Variants in NID2 observed in about 807,000 individuals in gnomAD.
NID2 encodes nidogen-2.
Under a neutral mutation model 145.4 loss-of-function variants are expected in NID2, and 83 were observed. The ratio of observed to expected loss-of-function variants is 0.57; its 90% confidence interval spans 0.48 to 0.69. The LOEUF is 0.69. NID2 is among the 30% of genes least tolerant of loss of function. The pLI is 0.00. For missense variants in NID2, 1,807 were observed against 1,765.7 expected (o/e 1.02, Z -0.42); for synonymous variants, 739 against 701.3 (o/e 1.05, Z -0.85).
intron 12 of NID2, among the ~76,000 whole-genome samples, chr14:52,021,496 G>C (rs917311158): frequency 6.6e-6 from 1 of 152,132 alleles, no homozygotes; most frequent in Non-Finnish European, 1.5e-5. Context: ...GTGCTTTCTC[G>C]AATACCATTA....
At chr14:52,036,804 T>C (rs949110676) in intron 9 of NID2, among the ~76,000 whole-genome samples, 3 of 152,218 alleles carry the variant, frequency 2.0e-5, no homozygotes, top group Admixed American at 6.5e-5. Context: ...GTATATCTTT[T>C]TGGAGAGAGG....
At chr14:52,018,859 T>C (rs1024110149) in intron 14 of NID2, among the ~76,000 whole-genome samples, 1 of 152,206 alleles carries the variant, frequency 6.6e-6, no homozygotes, top group Non-Finnish European at 1.5e-5. Context: ...GTGTAACAGA[T>C]CATATGTGTC....
chr14:52,055,423 T>C (rs1416947209), intron 3 of NID2, among the ~76,000 whole-genome samples: 1 of 152,146 alleles, frequency 6.6e-6, no homozygotes, highest in African/African-American at 2.4e-5. Flanking sequence ...TTCAAATAAA[T>C]ACAAATGCCA....
intron 14 of NID2, among the ~76,000 whole-genome samples, chr14:52,017,348 A>G (rs914567339): frequency 1.3e-5 from 2 of 152,066 alleles, no homozygotes; most frequent in African/African-American, 4.8e-5. Context: ...AGTATTTTGA[A>G]ATTGTGGGCA....
In NID2 at chr14:52,028,794, T is replaced by C; in HGVS notation, c.2458A>G (p.Asn820Asp). 1 of 1,614,136 alleles carries C rather than the reference T, an allele frequency of 6.2e-7. No individual in the cohort carries two copies. The highest frequency in any genetic ancestry group is 8.5e-7 in the Non-Finnish European group (1 of 1,180,020). Residue 820 changes from asparagine (N) to aspartate (D), a missense_variant, in exon 11 of 22, where the codon AAC (asparagine) becomes GAC (aspartate). Coordinates refer to ENST00000216286, the MANE Select transcript of NID2 (RefSeq NM_007361.4). ...TCACACCTGTAGCTTCCAGGCAAGT[T>C]GATACATACAGAGTTGGGGCCACAG... is the stretch of plus-strand genomic sequence containing the variant. ...HRCGPNSVCI[N>D]LPGSYRCECR... is the part of the protein sequence containing the mutation.
In NID2 at chr14:52,024,236, C is replaced by G. The variant is rs1891501830; in HGVS notation, c.2674+2965G>C. ...AGTGGTATTCATGGTCTTGTGTAAT[C>G]CCCACCCTTTCAGTAACTTGCTTTT... is the stretch of plus-strand genomic sequence containing the variant. On this transcript the variant is annotated intron_variant, in intron 12 of 21. Transcript: ENST00000216286. Among the ~76,000 whole-genome samples, 3 of 152,258 alleles carry G rather than the reference C, an allele frequency of 2.0e-5. 1 individual carries two copies. The South Asian group carries it at 6.2e-4, about 32-fold the overall frequency.
chr14:52,030,516 A>AAAAGAAAGAAAGAAAG (rs535564581), intron 9 of NID2, among the ~76,000 whole-genome samples: 18 of 63,098 alleles, frequency 2.9e-4, no homozygotes, highest in African/African-American at 9.8e-4. Flanking sequence ...AGAAAGAAAG[A>AAAAGAAAGAAAGAAAG]AAAGAAAGAA....
At position 52,028,849 on chromosome 14, in the gene NID2, A is replaced by G; in HGVS notation, c.2403T>C (p.Asp801=). 6.2e-7 allele frequency: 1 copy of G among 1,613,164 alleles called. No homozygotes were observed. The highest frequency in any genetic ancestry group is 1.3e-5 in the African/African-American group (1 of 75,010). Residue 801 remains aspartate (D), a splice_region_variant and synonymous_variant, in exon 11 of 22, where the codon GAT becomes GAC. Transcript: ENST00000216286. ...GYQGDGRNCV[D]ENECATGFHR... ...GAAAGCCAGTTGCACATTCATTTTCATCTAAGAAGAAATGAGAAGAGAAAA... is the reference window on the plus strand; with the variant it reads ...GAAAGCCAGTTGCACATTCATTTTCGTCTAAGAAGAAATGAGAAGAGAAAA...
At chr14:52,057,723 A>AAAAAG (rs1264947429) in intron 3 of NID2, among the ~76,000 whole-genome samples, 3 of 110,432 alleles carry the variant, frequency 2.7e-5, no homozygotes, top group Non-Finnish European at 4.2e-5. Context: ...AAAAAAAAAA[A>AAAAAG]AAAAGAAAAG....
chr14:52,025,336 C>T (rs1891553381), intron 12 of NID2, among the ~76,000 whole-genome samples: 1 of 152,168 alleles, frequency 6.6e-6, no homozygotes, highest in Admixed American at 6.5e-5. Context: ...GGACAAACAT[C>T]TGTGAATTAC....
intron 10 of NID2, 148 bp from the exon 11 acceptor site, chr14:52,028,998 T>A: frequency 1.5e-6 from 1 of 669,980 alleles, no homozygotes; most frequent in Non-Finnish European, 2.4e-6. Flanking sequence ...CAGATATGAA[T>A]GCATGTTGCA....
rs998998042 is a variant in NID2 at position 52,019,063 on chromosome 14, G to A, written c.3026C>T (p.Pro1009Leu). 2 of 1,612,704 alleles carry A rather than the reference G, an allele frequency of 1.2e-6. No individual in the cohort carries two copies. Among genetic ancestry groups the A allele is most frequent in the East Asian group, 2.2e-5 (1 of 44,868 alleles). ...GSTPPHCGPS[P>L]EPTQRPPTIC... ...TTGAGCCCCAGGCCTAAGCTCACCT[G>A]GTGATGGTCCACAGTGAGGCGGGGT... Residue 1009 changes from proline to leucine, a missense_variant and splice_region_variant, in exon 14 of 22, where the codon CCA becomes CTA. Transcript: ENST00000216286.
At chr14:52,030,592 A>G (rs1458750425) in intron 9 of NID2, among the ~76,000 whole-genome samples, 3 of 131,090 alleles carry the variant, frequency 2.3e-5, no homozygotes, top group African/African-American at 5.7e-5. Flanking sequence ...GAAAGAAAGA[A>G]AGAAAGAAAG....
chr14:52,038,695 C>T, intron 9 of NID2, 52 bp downstream of exon 9: 1 of 1,395,908 alleles, frequency 7.2e-7, no homozygotes. Context: ...ATCATTCTAA[C>T]TCTACTTAAA....
intron 2 of NID2, among the ~76,000 whole-genome samples, chr14:52,063,044 C>T (rs917243838): frequency 1.3e-5 from 2 of 152,306 alleles, no homozygotes; most frequent in Admixed American, 6.5e-5. Flanking sequence ...AAGCCACCCA[C>T]ACACTAAATG....
chr14:52,060,453 C>A (rs1023953639), intron 2 of NID2, 97 bp from the exon 3 acceptor site: 3 of 650,306 alleles, frequency 4.6e-6, no homozygotes, highest in Non-Finnish European at 7.1e-6. Flanking sequence ...AGCAAAGCAT[C>A]ATAACGTGCA....
intron 9 of NID2, among the ~76,000 whole-genome samples, chr14:52,033,622 C>A (rs35007553): frequency 0.99 from 150,814 of 152,372 alleles, 74,661 homozygotes; most frequent in Middle Eastern, 1. Flanking sequence ...CAACAACTAT[C>A]GTTCCCTCTG....
At chr14:52,056,735 T>C (rs1174174989) in intron 3 of NID2, among the ~76,000 whole-genome samples, 1 of 152,122 alleles carries the variant, frequency 6.6e-6, no homozygotes, top group Non-Finnish European at 1.5e-5. Context: ...GAGGTTGCAG[T>C]GAACCGAGGT....
Position 52,032,812 on chromosome 14 carries a change from A to AAAAAACAAAAAACAAAAAAC in NID2, c.2258-3123_2258-3122insGTTTTTTGTTTTTTGTTTTT, listed in dbSNP as rs768138463. 2.5e-3 allele frequency among the ~76,000 whole-genome samples: 377 copies of AAAAAACAAAAAACAAAAAAC among 151,500 alleles called. 2 individuals carry two copies. The highest frequency in any genetic ancestry group is 8.6e-3 in the African/African-American group (354 of 41,210). On this transcript the variant is annotated intron_variant, in intron 9 of 21. Coordinates refer to ENST00000216286, the MANE Select transcript of NID2 (RefSeq NM_007361.4). ...CCTGCTAGGCATTAAAAGAAAAAAA[A>AAAAAACAAAAAACAAAAAAC]AAAATCTCAGCTCAAAAGTTGACTT... is the stretch of plus-strand genomic sequence containing the variant.
Sources: allele counts gnomAD v4.1 joint callset (sites outside exome capture counted in the v4.1 genomes callset), GRCh38; gene constraint gnomAD v4.1.1; transcripts MANE v1.5; gene names NCBI Gene and HGNC (gene_info 2026-07-23, HGNC 2026-07-21).